PLEKHO1: variants seen among roughly 807,000 people sequenced by gnomAD.
PLEKHO1 encodes the protein pleckstrin homology domain containing O1.
PLEKHO1 carries 22 observed loss-of-function variants against 41.4 expected under a neutral mutation model. The ratio of observed to expected loss-of-function variants is 0.53; its 90% CI spans 0.38 to 0.76. The LOEUF (loss-of-function observed/expected upper bound fraction) is 0.76. PLEKHO1 is among the 30% of genes least tolerant of loss of function. PLEKHO1 has a pLI of 0.00. For missense variants in PLEKHO1, 488 were observed against 518.3 expected (o/e 0.94, Z 0.57); for synonymous variants, 225 against 210.8 (o/e 1.07, Z -0.58).
chr1:150,150,998 G>T lies in PLEKHO1; in HGVS notation c.117G>T (p.Glu39Asp). The T allele has an allele frequency of 6.2e-7, 1 of 1,614,192 alleles. No individual in the cohort carries two copies. The highest frequency in any genetic ancestry group is 8.5e-7 in the Non-Finnish European group (1 of 1,180,012). The change falls in exon 2 of 6, where the codon GAG becomes GAT. Residue 39 changes from glutamate (E) to aspartate (D), a missense_variant. Around this residue, in one of 3 missense-constraint regions of PLEKHO1, gnomAD observed 92 missense variants for 82.3 expected, o/e 1.12. Transcript: ENST00000369124. Reference protein sequence around the residue: ...RKFCGKGIFREIWKNRYVVLK... With the variant: ...RKFCGKGIFRDIWKNRYVVLK... ...TCTGCGGGAAAGGGATTTTCAGGGA[G>T]ATTTGGAAAAACCGCTATGTGGTGC... is the stretch of plus-strand genomic sequence containing the variant.
intron 1 of PLEKHO1, 53 bp from the exon 2 acceptor site, chr1:150,150,859 A>ACGG: frequency 6.4e-7 from 1 of 1,562,032 alleles, no homozygotes; most frequent in Non-Finnish European, 8.8e-7. Context: ...GACGGAGAGG[A>ACGG]AGCGCCGGCT....
rs1316349815 is a variant in PLEKHO1, at chr1:150,158,852, T to C, written c.559T>C (p.Leu187=). 2.5e-6 allele frequency: 4 copies of C among 1,612,438 alleles called. No homozygotes were observed. Among genetic ancestry groups the C allele is most frequent in the South Asian group, 1.1e-5 (1 of 91,052 alleles). ...STSTSDGMLT[L]DLIQEEDPSP... ...CTCTACCTCGGATGGGATGCTGACC[T>C]TGGACTTGATCCAAGAGGAAGACCC... Residue 187 remains leucine (L), a synonymous_variant, in exon 6 of 6, where the codon TTG becomes CTG. Coordinates refer to ENST00000369124, the MANE Select transcript of PLEKHO1 (RefSeq NM_016274.6).
intron 4 of PLEKHO1, 51 bp from the exon 5 acceptor site, chr1:150,157,334 G>A: frequency 7.4e-7 from 1 of 1,354,006 alleles, no homozygotes; most frequent in Non-Finnish European, 1.1e-6. Flanking sequence ...ATGCTGGGTT[G>A]GGACAGCGAG....
intron 5 of PLEKHO1, among the ~76,000 whole-genome samples, 157 bp from the exon 6 acceptor site, chr1:150,158,662 C>T (rs918172949): frequency 6.6e-6 from 1 of 152,206 alleles, no homozygotes; most frequent in Non-Finnish European, 1.5e-5. Flanking sequence ...GCACTCCAGC[C>T]TGGGTGACAG....
chr1:150,156,905 TCA>T lies in PLEKHO1; in HGVS notation c.319-3_319-2del. 1.3e-6 allele frequency: 2 copies of T among 1,596,726 alleles called. No individual in the cohort carries two copies. Among genetic ancestry groups the T allele is most frequent in the Non-Finnish European group, 1.7e-6 (2 of 1,164,228 alleles). On this transcript the variant is annotated splice_region_variant and splice_polypyrimidine_tract_variant and intron_variant, in intron 3 of 5. Transcript: ENST00000369124. ...CCTGGCTGAAACAGGAATCTTCCCCTCACAGGCACCCAACCTGATCTTCCTGG... is the reference window on the plus strand; with the variant it reads ...CCTGGCTGAAACAGGAATCTTCCCCTCAGGCACCCAACCTGATCTTCCTGG...
intron 2 of PLEKHO1, chr1:150,153,596 C>T (rs1553819649): frequency 6.6e-6 from 1 of 151,986 alleles, no homozygotes; most frequent in Non-Finnish European, 1.5e-5. Flanking sequence ...TTGTTATTTC[C>T]TCTCTTAAAG....
At position 150,158,984 on chromosome 1, in the gene PLEKHO1, C is replaced by T. The variant is rs782088250; in HGVS notation, c.691C>T (p.Gln231Ter). 1.2e-6 allele frequency: 2 copies of T among 1,614,196 alleles called. No homozygotes were observed. The highest frequency in any genetic ancestry group is 1.7e-6 in the Non-Finnish European group (2 of 1,180,022). Residue 231 changes from glutamine to a stop codon, truncating the protein, a stop_gained, in exon 6 of 6, where the codon CAG (glutamine) becomes TAG (stop). Coordinates refer to ENST00000369124, the MANE Select transcript of PLEKHO1 (RefSeq NM_016274.6). LOFTEE classifies it high-confidence loss of function. ...SRRRADSDRI[Q>*]PSADRASSLS... ...GCGGAGAGCGGACTCAGACCGCATC[C>T]AGCCCTCCGCAGACCGGGCAAGCAG...
At chr1:150,150,500 C>A (rs1659854199) in intron 1 of PLEKHO1, 2 of 162,794 alleles carry the variant, frequency 1.2e-5, no homozygotes, top group South Asian at 3.4e-4. Context: ...AGTTTCCCCA[C>A]GACCCGCACC....
Position 150,159,251 on chromosome 1 carries a change from C to A in PLEKHO1, c.958C>A (p.Gln320Lys), listed in dbSNP as rs1185781145. The change falls in exon 6 of 6, where the codon CAG (glutamine) becomes AAG (lysine). Residue 320 changes from glutamine (Q) to lysine (K), a missense_variant. This residue lies in a region of PLEKHO1 where 337 missense variants were observed against 324.6 expected (regional missense o/e 1.04). Transcript: ENST00000369124. The stretch of plus-strand genomic sequence containing the variant: ...GGTAGCAAGGAAACTGGAGGAGACT[C>A]AGGAGCTTCTGGCAGAGGTTCAGGG... ...DLVARKLEET[Q>K]ELLAEVQGLG... The A allele has an allele frequency of 3.7e-6, 6 of 1,614,062 alleles. No homozygotes were observed. The African/African-American group carries it at 6.7e-5, about 18-fold the overall frequency.
At chr1:150,158,263 C>T (rs1479457253) in intron 5 of PLEKHO1, among the ~76,000 whole-genome samples, 1 of 151,990 alleles carries the variant, frequency 6.6e-6, no homozygotes, top group African/African-American at 2.4e-5. Context: ...AGAGGGCGCC[C>T]CTCAGGAAGC....
At position 150,159,183 on chromosome 1, in the gene PLEKHO1, C is replaced by T. The variant is rs1354657760; in HGVS notation, c.890C>T (p.Pro297Leu). ...CTGCGGGCTGAGGAACCCCCAACCCCTGCCCTCCCCAACCCGGGGCAGCTG... is the reference window on the plus strand; with the variant it reads ...CTGCGGGCTGAGGAACCCCCAACCCTTGCCCTCCCCAACCCGGGGCAGCTG... ...LQLRAEEPPT[P>L]ALPNPGQLSR... is the part of the protein sequence containing the mutation. The change falls in exon 6 of 6, where the codon CCT becomes CTT. Residue 297 changes from proline to leucine, a missense_variant. This residue lies in a region of PLEKHO1 where 337 missense variants were observed against 324.6 expected (regional missense o/e 1.04). Coordinates refer to ENST00000369124, the MANE Select transcript of PLEKHO1 (RefSeq NM_016274.6). 1 of 1,613,366 alleles carries T rather than the reference C, an allele frequency of 6.2e-7. No individual in the cohort carries two copies. The highest frequency in any genetic ancestry group is 1.3e-5 in the African/African-American group (1 of 74,876).
chr1:150,159,572 CG>C lies in PLEKHO1; in HGVS notation c.*50del. 8.1e-7 allele frequency: 1 copy of C among 1,232,902 alleles called. No individual in the cohort carries two copies. Among genetic ancestry groups the C allele is most frequent in the Non-Finnish European group, 1.1e-6 (1 of 888,030 alleles). 76.4% of individuals were successfully genotyped at this position (1,232,902 alleles called of 1,614,324 possible). On this transcript the variant is annotated 3_prime_UTR_variant, in exon 6 of 6. Transcript: ENST00000369124. The stretch of plus-strand genomic sequence containing the variant: ...GTCGGGTTGGACAGACTCTTATCTC[CG>C]TGTTGCTGGATAAAGCTTTTTTATT...
At chr1:150,158,690 A>T (rs1393740328) in intron 5 of PLEKHO1, 129 bp from the exon 6 acceptor site, 1 of 673,274 alleles carries the variant, frequency 1.5e-6, no homozygotes, top group African/African-American at 1.8e-5. Flanking sequence ...CTCTGTCTCT[A>T]AAAAAAAGTA....
chr1:150,156,958 G>C lies in PLEKHO1; in HGVS notation c.366G>C (p.Ser122=). 1 of 1,613,758 alleles carries C rather than the reference G, an allele frequency of 6.2e-7. No individual in the cohort carries two copies. The highest frequency in any genetic ancestry group is 8.5e-7 in the Non-Finnish European group (1 of 1,179,708). ...FLAVSPEEKE[S]WINALNSAIT... Reference sequence around the variant, plus strand: ...CAGTGAGTCCAGAAGAGAAGGAATCGTGGATCAATGCCCTCAACTCTGCCA... The same window carrying C: ...CAGTGAGTCCAGAAGAGAAGGAATCCTGGATCAATGCCCTCAACTCTGCCA... Residue 122 remains serine, a synonymous_variant, in exon 4 of 6, where the codon TCG becomes TCC. Coordinates refer to ENST00000369124, the MANE Select transcript of PLEKHO1 (RefSeq NM_016274.6).
chr1:150,150,168 T>TCCCGCGGGGAAGGAGCC lies in PLEKHO1; in HGVS notation c.-82_-66dup, dbSNP rs1659818040. 4.0e-6 allele frequency: 2 copies of TCCCGCGGGGAAGGAGCC among 503,396 alleles called. No homozygotes were observed. The highest frequency in any genetic ancestry group is 2.1e-5 in the African/African-American group (1 of 48,044). 31.2% of individuals were successfully genotyped at this position (503,396 alleles called of 1,614,324 possible). On this transcript the variant is annotated 5_prime_UTR_variant, in exon 1 of 6. Transcript: ENST00000369124. ...CGGCGCCGGGGCAGCTCCGACGCCCTCCCGCGGGGAAGGAGCCCCCGCGGT... is the reference window on the plus strand; with the variant it reads ...CGGCGCCGGGGCAGCTCCGACGCCCTCCCGCGGGGAAGGAGCCCCCGCGGGGAAGGAGCCCCCGCGGT...
chr1:150,151,589 G>A (rs1553819050), intron 2 of PLEKHO1, among the ~76,000 whole-genome samples: 1 of 152,102 alleles, frequency 6.6e-6, no homozygotes, highest in Admixed American at 6.5e-5. Flanking sequence ...AGTTATTTTC[G>A]TTGAAGCCAG....
rs376641105 is a variant in PLEKHO1 at position 150,157,048 on chromosome 1, C to T, written c.423+33C>T. On this transcript the variant is annotated intron_variant, in intron 4 of 5. Transcript: ENST00000369124. The stretch of plus-strand genomic sequence containing the variant: ...GGCTCACTGTGGGGAGAGGGAGGAA[C>T]GCTGGGGCAGAGGGAACAGCTGTGA... 1,352 of 1,363,870 alleles carry T rather than the reference C, an allele frequency of 9.9e-4. 4 individuals are homozygous for T. Among genetic ancestry groups the T allele is most frequent in the Non-Finnish European group, 1.3e-3 (1,251 of 951,680 alleles). The allele number at this position is 1,363,870 out of a possible 1,614,324, so 84.5% of individuals were successfully genotyped here. A position where few individuals can be genotyped will look rare whatever the true frequency, so the allele number is the denominator to read the frequency against.
chr1:150,155,870 A>T (rs1164477644), intron 2 of PLEKHO1, 196 bp from the exon 3 acceptor site: 20 of 569,312 alleles, frequency 3.5e-5, no homozygotes, highest in Non-Finnish European at 2.8e-5. Context: ...ACACCTTAAC[A>T]TTCAAGACTT....
chr1:150,155,918 G>T (rs1660149208), intron 2 of PLEKHO1, 148 bp from the exon 3 acceptor site: 2 of 691,064 alleles, frequency 2.9e-6, no homozygotes, highest in Non-Finnish European at 5.0e-6. Context: ...TGAGGACCTT[G>T]TAGGCTTTGG....
Sources: gnomAD v4.1 joint callset for allele counts (sites outside exome capture counted in the v4.1 genomes callset) on GRCh38, gnomAD v4.1.1 for gene constraint, gnomAD v4.1.1 regional missense constraint, MANE v1.5 for transcripts, NCBI Gene and HGNC (gene_info 2026-07-23, HGNC 2026-07-21) for gene names.